Variants in ZMYND15 observed in about 807,000 individuals in gnomAD.
ZMYND15 encodes zinc finger MYND-type containing 15, also known as zinc finger MYND domain-containing protein 15.
Under a neutral mutation model 81.7 loss-of-function variants are expected in ZMYND15, and 54 were observed. The ratio of observed to expected loss-of-function variants is 0.66; its 90% CI spans 0.53 to 0.83. ZMYND15 has a LOEUF of 0.83. Among genes scored for constraint, ZMYND15 ranks in the 40% least tolerant of loss-of-function variants. The pLI is 0.00. For missense variants in ZMYND15, 925 were observed against 973.5 expected, an observed-to-expected ratio of 0.95 and a Z score of 0.66; for synonymous variants, 399 against 387.0, an observed-to-expected ratio of 1.03 and a Z score of -0.36.
chr17:4,741,686 T>C lies in ZMYND15; in HGVS notation c.697T>C (p.Trp233Arg). 2.5e-6 allele frequency: 4 copies of C among 1,614,146 alleles called. No homozygotes were observed. Among genetic ancestry groups the C allele is most frequent in the Non-Finnish European group, 2.5e-6 (3 of 1,180,006 alleles). The change falls in exon 3 of 14, where the codon TGG (tryptophan) becomes CGG (arginine). Residue 233 changes from tryptophan to arginine, a missense_variant. Transcript: ENST00000433935. ...LVDGAQGTASWGSGTKDLAPW... is the reference protein window; with the variant it reads ...LVDGAQGTASRGSGTKDLAPW... ...GGATGGAGCCCAGGGAACCGCAAGC[T>C]GGGGCTCAGGGACCAAGGACCTGGC... is the stretch of plus-strand genomic sequence containing the variant.
At chr17:4,746,115 C>T (rs1180625013), downstream of ZMYND15, 4 of 1,032,016 alleles carry the variant, frequency 3.9e-6, no homozygotes, top group Non-Finnish European at 5.2e-6. Flanking sequence ...TGTTTGAAAC[C>T]ACTGAGTCAT....
In ZMYND15 at chr17:4,743,573, G is replaced by C; in HGVS notation, c.1297+118G>C. On this transcript the variant is annotated intron_variant, in intron 6 of 13. Coordinates refer to ENST00000433935, the MANE Select transcript of ZMYND15 (RefSeq NM_001136046.3). This position sits in a 1 kb window ranked among gnomAD's most constrained non-coding sequence, Gnocchi z 4.3. Reference sequence around the variant, plus strand: ...CACTGACCCCTACCAACAGCACCAGGGCCATTTCAGGCCTTTCCCAGCCCT... The same window carrying C: ...CACTGACCCCTACCAACAGCACCAGCGCCATTTCAGGCCTTTCCCAGCCCT... 6.9e-7 allele frequency: 1 copy of C among 1,438,894 alleles called. No homozygotes were observed. 89.1% of individuals were successfully genotyped at this position (1,438,894 alleles called of 1,614,324 possible).
At position 4,740,729 on chromosome 17, in the gene ZMYND15, G is replaced by A. The variant is rs2150625150; in HGVS notation, c.181G>A (p.Val61Ile). 6.2e-7 allele frequency: 1 copy of A among 1,611,230 alleles called. No homozygotes were observed. Among genetic ancestry groups the A allele is most frequent in the Non-Finnish European group, 8.5e-7 (1 of 1,178,146 alleles). The change falls in exon 2 of 14, where the codon GTC becomes ATC. Residue 61 changes from valine (V) to isoleucine (I), a missense_variant. Transcript: ENST00000433935. ...PQDPALWVLH[V>I]LPNHSVGISL... ...GGACCCTGCCCTTTGGGTGCTCCATGTCCTGCCCAACCATAGTGTGGGCAT... is the reference window on the plus strand; with the variant it reads ...GGACCCTGCCCTTTGGGTGCTCCATATCCTGCCCAACCATAGTGTGGGCAT...
At position 4,741,771 on chromosome 17, in the gene ZMYND15, C is replaced by A; in HGVS notation, c.782C>A (p.Pro261His). The stretch of plus-strand genomic sequence containing the variant: ...GCCTGTCCCATGGGCTCTGGGGATC[C>A]CCGAAAGCCCCGACAGCTTACTGTG... ...SMACPMGSGD[P>H]RKPRQLTVGD... is the part of the protein sequence containing the mutation. Residue 261 changes from proline (P) to histidine (H), a missense_variant, in exon 3 of 14, where the codon CCC (proline) becomes CAC (histidine). Coordinates refer to ENST00000433935, the MANE Select transcript of ZMYND15 (RefSeq NM_001136046.3). 3 of 1,582,474 alleles carry A rather than the reference C, an allele frequency of 1.9e-6. No homozygotes were observed. Among genetic ancestry groups the A allele is most frequent in the Middle Eastern group, 1.7e-4 (1 of 5,866 alleles).
chr17:4,742,647 G>T (rs1478963820), intron 5 of ZMYND15, among the ~76,000 whole-genome samples, 156 bp downstream of exon 5: 1 of 152,132 alleles, frequency 6.6e-6, no homozygotes, highest in Non-Finnish European at 1.5e-5. Flanking sequence ...GGTGTTTGGG[G>T]CTGGAGACAG....
Position 4,743,592 on chromosome 17 carries a change from C to A in ZMYND15, c.1297+137C>A. On this transcript the variant is annotated intron_variant, in intron 6 of 13. Transcript: ENST00000433935. This position sits in a 1 kb window ranked among gnomAD's most constrained non-coding sequence, Gnocchi z 4.3. ...CACCAGGGCCATTTCAGGCCTTTCC[C>A]AGCCCTCAATGGAATCACCCCTACC... The A allele has an allele frequency of 7.2e-7, 1 of 1,390,180 alleles. No individual in the cohort carries two copies. Among genetic ancestry groups the A allele is most frequent in the Non-Finnish European group, 9.7e-7 (1 of 1,027,212 alleles). The allele number at this position is 1,390,180 out of a possible 1,614,324, so 86.1% of individuals were successfully genotyped here.
Position 4,743,348 on chromosome 17 carries a change from G to C in ZMYND15, c.1190G>C (p.Arg397Pro). The change falls in exon 6 of 14, where the codon CGG becomes CCG. Residue 397 changes from arginine to proline, a missense_variant. Transcript: ENST00000433935. The surrounding 1 kb of genome is among the most constrained non-coding windows in gnomAD (Gnocchi z 4.3). ...TFNKEAFLAS[R>P]GLTRGYWTQL... ...AACAAAGAGGCCTTCCTGGCCTCTC[G>C]GGGCCTCACTCGTGGCTATTGGACC... The C allele has an allele frequency of 1.2e-6, 2 of 1,614,004 alleles. No individual in the cohort carries two copies. Among genetic ancestry groups the C allele is most frequent in the Non-Finnish European group, 1.7e-6 (2 of 1,179,976 alleles).
Position 4,743,682 on chromosome 17 carries a change from A to T in ZMYND15, c.1298-85A>T. The T allele has an allele frequency of 7.1e-7, 1 of 1,405,968 alleles. No individual in the cohort carries two copies. The highest frequency in any genetic ancestry group is 9.7e-7 in the Non-Finnish European group (1 of 1,029,160). The allele number at this position is 1,405,968 out of a possible 1,614,324, so 87.1% of individuals were successfully genotyped here. ...TCCTCTTACTGCGGCTGTCTCAGGG[A>T]ATACAGCCCCTTTGGAAGGAAGAAA... On this transcript the variant is annotated intron_variant, in intron 6 of 13. Coordinates refer to ENST00000433935, the MANE Select transcript of ZMYND15 (RefSeq NM_001136046.3). This position sits in a 1 kb window ranked among gnomAD's most constrained non-coding sequence, Gnocchi z 4.3.
rs1274065070 is a variant in ZMYND15 at position 4,744,091 on chromosome 17, C to G, written c.1479C>G (p.His493Gln). 1.3e-6 allele frequency: 2 copies of G among 1,588,304 alleles called. No homozygotes were observed. Among genetic ancestry groups the G allele is most frequent in the Non-Finnish European group, 1.7e-6 (2 of 1,167,058 alleles). The change falls in exon 8 of 14, where the codon CAC (histidine) becomes CAG (glutamine). Residue 493 changes from histidine (H) to glutamine (Q), a missense_variant. Physicochemically the swap from His to Gln is conservative, Grantham distance 24. Transcript: ENST00000433935. The surrounding 1 kb of genome is among the most constrained non-coding windows in gnomAD (Gnocchi z 4.1). The stretch of plus-strand genomic sequence containing the variant: ...TGACCGTGTACTACGTCATCACCCA[C>G]CTGGTGCCCCAGTCCTGTAAGGAGA... Reference protein sequence around the residue: ...YPLTVYYVITHLVPQSFPELN... With the variant: ...YPLTVYYVITQLVPQSFPELN...
chr17:4,744,127 G>T lies in ZMYND15; in HGVS notation c.1495+20G>T. 2 of 1,610,646 alleles carry T rather than the reference G, an allele frequency of 1.2e-6. No individual in the cohort carries two copies. The highest frequency in any genetic ancestry group is 1.7e-6 in the Non-Finnish European group (2 of 1,178,216). On this transcript the variant is annotated intron_variant, in intron 8 of 13. Coordinates refer to ENST00000433935, the MANE Select transcript of ZMYND15 (RefSeq NM_001136046.3). This position sits in a 1 kb window ranked among gnomAD's most constrained non-coding sequence, Gnocchi z 4.1. ...AGTCCTGTAAGGAGAGCGGAGTGGG[G>T]GGTGGAGCAGGATGGGGGAGTGAGA...
Position 4,744,545 on chromosome 17 carries a change from C to G in ZMYND15, c.1683+78C>G. On this transcript the variant is annotated intron_variant, in intron 10 of 13. Coordinates refer to ENST00000433935, the MANE Select transcript of ZMYND15 (RefSeq NM_001136046.3). The surrounding 1 kb of genome is among the most constrained non-coding windows in gnomAD (Gnocchi z 4.1). The stretch of plus-strand genomic sequence containing the variant: ...TGGTTGGGTCCTGCCCTTCTGCCCC[C>G]CACTCCCCATCTTGCCTGGTGCATC... 1 of 1,603,292 alleles carries G rather than the reference C, an allele frequency of 6.2e-7. No individual in the cohort carries two copies. Among genetic ancestry groups the G allele is most frequent in the Admixed American group, 1.7e-5 (1 of 59,208 alleles).
In ZMYND15 at chr17:4,745,811, C is replaced by A; in HGVS notation, c.2058-8C>A. The A allele has an allele frequency of 6.3e-7, 1 of 1,590,408 alleles. No individual in the cohort carries two copies. Among genetic ancestry groups the A allele is most frequent in the Non-Finnish European group, 8.5e-7 (1 of 1,171,270 alleles). On this transcript the variant is annotated splice_polypyrimidine_tract_variant and splice_region_variant and intron_variant, in intron 13 of 13. Coordinates refer to ENST00000433935, the MANE Select transcript of ZMYND15 (RefSeq NM_001136046.3). The surrounding 1 kb of genome is among the most constrained non-coding windows in gnomAD (Gnocchi z 5.2). ...CGTGGTCCCTGACTGCGCCCCGCGCCCCCGCAGGTACTGCAATGCCTTCAT... is the reference window on the plus strand; with the variant it reads ...CGTGGTCCCTGACTGCGCCCCGCGCACCCGCAGGTACTGCAATGCCTTCAT...
Position 4,744,937 on chromosome 17 carries a change from TGG to T in ZMYND15, c.1896+13_1896+14del. ...CTCTGCCCCGGTTACAGGTGGGCAA[TGG>T]GGGCAAAAGGGAACTTCTCTCCCCT... On this transcript the variant is annotated intron_variant, in intron 12 of 13. Coordinates refer to ENST00000433935, the MANE Select transcript of ZMYND15 (RefSeq NM_001136046.3). This position sits in a 1 kb window ranked among gnomAD's most constrained non-coding sequence, Gnocchi z 4.1. 1 of 1,614,004 alleles carries T rather than the reference TGG, an allele frequency of 6.2e-7. No homozygotes were observed. The highest frequency in any genetic ancestry group is 8.5e-7 in the Non-Finnish European group (1 of 1,179,952).
rs768557359 is a variant in ZMYND15, at chr17:4,744,738, C to T, written c.1797C>T (p.Pro599=). ...TGCAGATCAAGGTGTCAGCAAGGCC[C>T]TACCACCTGTTCCAGGGGCCCAAGC... ...RDLQIKVSAR[P]YHLFQGPKPD... Residue 599 remains proline, a synonymous_variant, in exon 11 of 14, where the codon CCC becomes CCT. Transcript: ENST00000433935. The surrounding 1 kb of genome is among the most constrained non-coding windows in gnomAD (Gnocchi z 4.1). 14 of 1,614,046 alleles carry T rather than the reference C, an allele frequency of 8.7e-6. No individual in the cohort carries two copies. Among genetic ancestry groups the T allele is most frequent in the Admixed American group, 1.7e-5 (1 of 59,990 alleles).
chr17:4,744,332 G>C lies in ZMYND15; in HGVS notation c.1585-37G>C, dbSNP rs755230946. On this transcript the variant is annotated intron_variant, in intron 9 of 13. Transcript: ENST00000433935. This position sits in a 1 kb window ranked among gnomAD's most constrained non-coding sequence, Gnocchi z 4.1. ...CATTTTGGTATGGGGGTGGGCACAG[G>C]GTAGACCCCAGATCTTTCTTTCTTT... 1.4e-5 allele frequency: 22 copies of C among 1,613,750 alleles called. No individual in the cohort carries two copies. Among genetic ancestry groups the C allele is most frequent in the Non-Finnish European group, 1.9e-5 (22 of 1,179,792 alleles).
At position 4,742,657 on chromosome 17, in the gene ZMYND15, G is replaced by A. The variant is rs556591497; in HGVS notation, c.1144+166G>A. 8.5e-5 allele frequency among the ~76,000 whole-genome samples: 13 copies of A among 152,292 alleles called. No homozygotes were observed. The South Asian group carries it at 2.5e-3, about 29-fold the overall frequency. Reference sequence around the variant, plus strand: ...GGCTGGGTGTTTGGGGCTGGAGACAGGGTCTCTGAAGCCGAGGCCTGAGTG... The same window carrying A: ...GGCTGGGTGTTTGGGGCTGGAGACAAGGTCTCTGAAGCCGAGGCCTGAGTG... On this transcript the variant is annotated intron_variant, in intron 5 of 13. Coordinates refer to ENST00000433935, the MANE Select transcript of ZMYND15 (RefSeq NM_001136046.3).
At position 4,741,583 on chromosome 17, in the gene ZMYND15, G is replaced by C; in HGVS notation, c.594G>C (p.Glu198Asp). The change falls in exon 3 of 14, where the codon GAG becomes GAC. Residue 198 changes from glutamate to aspartate, a missense_variant and splice_region_variant. By Grantham distance (45) the Glu-to-Asp change is conservative (BLOSUM62 2). Transcript: ENST00000433935. Reference sequence around the variant, plus strand: ...CTCAACTTTTCCCTCTTTCCCCAGAGGCTGCCCCCCTGCACGTTTCCTGTC... The same window carrying C: ...CTCAACTTTTCCCTCTTTCCCCAGACGCTGCCCCCCTGCACGTTTCCTGTC... ...RPQKRKGQRSEAAPLHVSCLL... is the reference protein window; with the variant it reads ...RPQKRKGQRSDAAPLHVSCLL... 1 of 1,613,882 alleles carries C rather than the reference G, an allele frequency of 6.2e-7. No homozygotes were observed. The highest frequency in any genetic ancestry group is 8.5e-7 in the Non-Finnish European group (1 of 1,179,896).
Position 4,744,222 on chromosome 17 carries a change from C to G in ZMYND15, c.1528C>G (p.Leu510Val). The G allele has an allele frequency of 6.2e-7, 1 of 1,614,136 alleles. No individual in the cohort carries two copies. Among genetic ancestry groups the G allele is most frequent in the Non-Finnish European group, 8.5e-7 (1 of 1,180,014 alleles). ...GCTCAACATCCAAAACAAACAGTCA[C>G]TGAAGATCCACGTGGTGGAGGCCGG... Reference protein sequence around the residue: ...PELNIQNKQSLKIHVVEAGKE... With the variant: ...PELNIQNKQSVKIHVVEAGKE... Residue 510 changes from leucine (L) to valine (V), a missense_variant, in exon 9 of 14, where the codon CTG (leucine) becomes GTG (valine). By Grantham distance (32) the Leu-to-Val change is conservative (BLOSUM62 1). Coordinates refer to ENST00000433935, the MANE Select transcript of ZMYND15 (RefSeq NM_001136046.3). This position sits in a 1 kb window ranked among gnomAD's most constrained non-coding sequence, Gnocchi z 4.1.
In ZMYND15 at chr17:4,745,326, C is replaced by A. The variant is rs1258296965; in HGVS notation, c.2008C>A (p.Pro670Thr). The A allele has an allele frequency of 6.2e-7, 1 of 1,612,232 alleles. No homozygotes were observed. The highest frequency in any genetic ancestry group is 8.5e-7 in the Non-Finnish European group (1 of 1,179,286). ...GGGCACCAGCCCTCCCCAGCCCAAC[C>A]CCTTCCGCTCCCCCTTTCGCCTCAG... ...GGGTSPPQPN[P>T]FRSPFRLRAA... Residue 670 changes from proline to threonine, a missense_variant, in exon 13 of 14, where the codon CCC becomes ACC. By Grantham distance (38) the Pro-to-Thr change is conservative. Coordinates refer to ENST00000433935, the MANE Select transcript of ZMYND15 (RefSeq NM_001136046.3). This position sits in a 1 kb window ranked among gnomAD's most constrained non-coding sequence, Gnocchi z 5.2.
Sources: gnomAD v4.1 joint callset for allele counts (sites outside exome capture counted in the v4.1 genomes callset) on GRCh38, gnomAD v4.1.1 for gene constraint, Gnocchi (gnomAD v3.1) non-coding constraint, MANE v1.5 for transcripts, NCBI Gene and HGNC (gene_info 2026-07-23, HGNC 2026-07-21) for gene names.